Variants in MSI2 observed in about 807,000 individuals in gnomAD.
The protein encoded by MSI2 is musashi RNA binding protein 2.
MSI2 carries 17 observed loss-of-function variants against 45.6 expected under a neutral mutation model. That is an observed-to-expected ratio of 0.37 (90% CI 0.26 to 0.56). The LOEUF is 0.56. Among genes scored for constraint, MSI2 ranks in the 20% least tolerant of loss-of-function variants. The probability of loss-of-function intolerance (pLI) is 0.77; values close to 1 mark genes in which losing one functional copy is unlikely to be tolerated. For synonymous variants in MSI2, 156 were observed against 158.2 expected, an observed-to-expected ratio of 0.99 and a Z score of 0.11; for missense variants, 293 against 444.2, an observed-to-expected ratio of 0.66 and a Z score of 3.06.
At chr17:57,688,381 G>A (rs28638258), downstream of MSI2, among the ~76,000 whole-genome samples, 2,097 of 152,142 alleles carry the variant, frequency 0.014, 53 homozygotes, top group African/African-American at 0.047. Flanking sequence ...CCAGTAGTAA[G>A]CACTCAGTAA....
chr17:57,273,254 T>G (rs1908530991), intron 5 of MSI2, among the ~76,000 whole-genome samples: 1 of 152,198 alleles, frequency 6.6e-6, no homozygotes, highest in African/African-American at 2.4e-5. Flanking sequence ...AGTATAATTT[T>G]AATTATACAA....
intron 11 of MSI2, among the ~76,000 whole-genome samples, chr17:57,660,212 T>C (rs1280470047): frequency 3.3e-5 from 5 of 152,198 alleles, no homozygotes; most frequent in Non-Finnish European, 7.3e-5. Flanking sequence ...GGCAAAATGA[T>C]TGCAGCAGTT....
At chr17:57,565,875 A>T (rs1379295344) in intron 7 of MSI2, 1 of 152,196 alleles carries the variant, frequency 6.6e-6, no homozygotes, top group African/African-American at 2.4e-5. Flanking sequence ...GGCTGTAGAC[A>T]TGAGACACCC....
intron 7 of MSI2, among the ~76,000 whole-genome samples, chr17:57,579,275 G>A (rs766674883): frequency 5.4e-4 from 82 of 152,312 alleles, no homozygotes; most frequent in African/African-American, 1.2e-3. Flanking sequence ...CAGAATGGCC[G>A]TAACATGGCT....
intron 6 of MSI2, among the ~76,000 whole-genome samples, chr17:57,474,935 C>T (rs540747889): frequency 2.6e-5 from 4 of 152,194 alleles, no homozygotes; most frequent in Admixed American, 6.5e-5. Flanking sequence ...TGGTCAGGCT[C>T]ATCTCCAAAT....
intron 6 of MSI2, among the ~76,000 whole-genome samples, chr17:57,442,801 G>A (rs903532858): frequency 3.3e-5 from 5 of 152,134 alleles, no homozygotes; most frequent in Admixed American, 1.3e-4. Context: ...CTGCCGGCAC[G>A]CTGGGGGCCT....
At chr17:57,509,672 C>T (rs1184271288) in intron 6 of MSI2, among the ~76,000 whole-genome samples, 3 of 152,132 alleles carry the variant, frequency 2.0e-5, no homozygotes, top group Non-Finnish European at 2.9e-5. Context: ...GCACCCACCT[C>T]GGCCTCCCAA....
intron 10 of MSI2, among the ~76,000 whole-genome samples, chr17:57,644,978 T>A (rs1312738950): frequency 6.6e-6 from 1 of 152,060 alleles, no homozygotes; most frequent in East Asian, 1.9e-4. Flanking sequence ...ACCAGTGTCT[T>A]CTCAGACCAA....
chr17:57,289,561 G>C (rs934183602), intron 5 of MSI2, among the ~76,000 whole-genome samples: 1 of 152,098 alleles, frequency 6.6e-6, no homozygotes, highest in Non-Finnish European at 1.5e-5. Flanking sequence ...TCTGTAAGAC[G>C]AGCCTGGAAG....
chr17:57,411,855 A>C (rs1308638232), intron 6 of MSI2, among the ~76,000 whole-genome samples: 5 of 151,946 alleles, frequency 3.3e-5, no homozygotes, highest in African/African-American at 1.2e-4. Flanking sequence ...AAAAATACAA[A>C]AATTAGCAGG....
intron 5 of MSI2, chr17:57,264,223 T>C (rs1410395685): frequency 3.9e-5 from 6 of 152,184 alleles, no homozygotes. Context: ...TCCTTAGCTG[T>C]GTGAATTTGA....
the MSI2 span, among the ~76,000 whole-genome samples, chr17:57,699,194 T>A: frequency 1.7e-4 from 18 of 104,154 alleles, no homozygotes; most frequent in South Asian, 2.9e-4. Flanking sequence ...TGTGTGTGTG[T>A]GTGTGTGTGA....
intron 7 of MSI2, among the ~76,000 whole-genome samples, chr17:57,546,987 G>C (rs963409669): frequency 2.0e-5 from 3 of 152,250 alleles, no homozygotes; most frequent in Non-Finnish European, 2.9e-5. Flanking sequence ...CTAAGAAGAA[G>C]AGAAAATAGG....
intron 5 of MSI2, among the ~76,000 whole-genome samples, chr17:57,324,015 A>T (rs1913570427): frequency 6.6e-6 from 1 of 152,190 alleles, no homozygotes; most frequent in African/African-American, 2.4e-5. Flanking sequence ...AGGATCACAC[A>T]CACAAAAATA....
At chr17:57,387,753 T>A (rs1384603383) in intron 5 of MSI2, among the ~76,000 whole-genome samples, 1 of 152,132 alleles carries the variant, frequency 6.6e-6, no homozygotes, top group African/African-American at 2.4e-5. Context: ...TTGTTTAGCC[T>A]ATAAAACAGG....
At chr17:57,575,884 G>T (rs1337066247) in intron 7 of MSI2, among the ~76,000 whole-genome samples, 1 of 143,038 alleles carries the variant, frequency 7.0e-6, no homozygotes, top group Non-Finnish European at 1.5e-5. Context: ...GGCGGAGCTT[G>T]CAGTGAGCCA....
intron 7 of MSI2, among the ~76,000 whole-genome samples, chr17:57,554,660 T>C (rs1038634553): frequency 1.3e-5 from 2 of 152,242 alleles, no homozygotes; most frequent in African/African-American, 4.8e-5. Flanking sequence ...GGCTGAGCAA[T>C]TCTTTTGCTT....
At chr17:57,517,115 T>C (rs1394758008) in intron 6 of MSI2, among the ~76,000 whole-genome samples, 2 of 152,230 alleles carry the variant, frequency 1.3e-5, no homozygotes. Context: ...CAAATTAGAA[T>C]TCCTCTAAAA....
At chr17:57,369,354 T>C (rs1323101286) in intron 5 of MSI2, among the ~76,000 whole-genome samples, 3 of 152,154 alleles carry the variant, frequency 2.0e-5, no homozygotes, top group Non-Finnish European at 4.4e-5. Context: ...GGGCAGCCAG[T>C]TGTAGCTCGG....
Sources: allele counts gnomAD v4.1 joint callset (sites outside exome capture counted in the v4.1 genomes callset), GRCh38; gene constraint gnomAD v4.1.1; transcripts MANE v1.5; gene names NCBI Gene and HGNC (gene_info 2026-07-23, HGNC 2026-07-21).